MAP3K7CL: variants seen among roughly 807,000 people sequenced by gnomAD.
MAP3K7CL encodes MAP3K7 C-terminal like, also known as MAP3K7 C-terminal-like protein.
MAP3K7CL carries 16 observed loss-of-function variants against 18.6 expected under a neutral mutation model. That is an observed-to-expected ratio of 0.86 (90% CI 0.58 to 1.31). The LOEUF (loss-of-function observed/expected upper bound fraction) is 1.31, where lower values mean the gene tolerates loss of function less well. Among genes scored for constraint, MAP3K7CL ranks in the 50% most tolerant of loss-of-function variants. The pLI, the probability that MAP3K7CL is intolerant of heterozygous loss-of-function variation, is 0.00. For missense variants in MAP3K7CL, 163 were observed against 174.4 expected, an observed-to-expected ratio of 0.93 and a Z score of 0.37; for synonymous variants, 65 against 66.8, an observed-to-expected ratio of 0.97 and a Z score of 0.13.
intron 2 of MAP3K7CL, among the ~76,000 whole-genome samples, chr21:29,141,114 T>C (rs1444028170): frequency 6.6e-6 from 1 of 152,198 alleles, no homozygotes; most frequent in Non-Finnish European, 1.5e-5. Context: ...TTTTGGACAG[T>C]GAGTATGTTA....
At chr21:29,134,905 G>T (rs1362602124) in intron 2 of MAP3K7CL, among the ~76,000 whole-genome samples, 1 of 152,096 alleles carries the variant, frequency 6.6e-6, no homozygotes, top group African/African-American at 2.4e-5. Flanking sequence ...AAAAAAATTA[G>T]CTGGGCCTGG....
At chr21:29,078,126 A>T (rs2085779178) in intron 1 of MAP3K7CL, among the ~76,000 whole-genome samples, 1 of 151,958 alleles carries the variant, frequency 6.6e-6, no homozygotes, top group Non-Finnish European at 1.5e-5. Context: ...CCCAATTCCC[A>T]TTAAATCCTT....
chr21:29,149,127 G>A (rs2087209858), intron 2 of MAP3K7CL, 62 bp from the exon 3 acceptor site: 4 of 1,378,076 alleles, frequency 2.9e-6, no homozygotes, highest in East Asian at 2.3e-5. Context: ...CTCTGGGGGA[G>A]TCCAAGGACT....
chr21:29,158,799 T>C (rs578249062), intron 3 of MAP3K7CL, among the ~76,000 whole-genome samples: 65 of 152,238 alleles, frequency 4.3e-4, no homozygotes, highest in African/African-American at 1.5e-3. Flanking sequence ...AAGGATAAGA[T>C]TGAAGAGCCT....
chr21:29,165,772 A>C (rs1298574306), intron 4 of MAP3K7CL, among the ~76,000 whole-genome samples: 3 of 152,152 alleles, frequency 2.0e-5, no homozygotes, highest in Non-Finnish European at 4.4e-5. Context: ...GGGTTTCACC[A>C]TGTTGGCCAG....
intron 2 of MAP3K7CL, among the ~76,000 whole-genome samples, chr21:29,133,686 G>T (rs2086824008): frequency 6.6e-6 from 1 of 152,066 alleles, no homozygotes; most frequent in Non-Finnish European, 1.5e-5. Context: ...AATTCACTGA[G>T]CTACAACAAT....
chr21:29,164,095 AT>A (rs796331747), intron 4 of MAP3K7CL, among the ~76,000 whole-genome samples: 139 of 147,826 alleles, frequency 9.4e-4, no homozygotes, highest in African/African-American at 3.1e-3. Flanking sequence ...GCGAGACTCC[AT>A]TTAAAAAAAA....
In MAP3K7CL at chr21:29,142,927, C is replaced by T. The variant is rs73897256; in HGVS notation, c.71-6262C>T. The stretch of plus-strand genomic sequence containing the variant: ...TGTCCTACTGAACGTTGTACTGACC[C>T]GCTGTGTTCTTAGTGGTTAGGAGCC... On this transcript the variant is annotated intron_variant, in intron 2 of 4. Transcript: ENST00000399928. Among the ~76,000 whole-genome samples, 255 of 152,270 alleles carry T rather than the reference C, an allele frequency of 1.7e-3. 1 individual carries two copies. Among genetic ancestry groups the T allele is most frequent in the African/African-American group, 5.8e-3 (242 of 41,564 alleles).
At chr21:29,157,758 C>T (rs939786650) in intron 3 of MAP3K7CL, among the ~76,000 whole-genome samples, 1 of 152,186 alleles carries the variant, frequency 6.6e-6, no homozygotes, top group African/African-American at 2.4e-5. Flanking sequence ...GACAACATTT[C>T]CCACTTAGTA....
At chr21:29,133,559 T>C in intron 2 of MAP3K7CL, 145 bp downstream of exon 2, 1 of 530,238 alleles carries the variant, frequency 1.9e-6, no homozygotes. Context: ...TCATGCATTG[T>C]TAGATGGCGG....
intron 4 of MAP3K7CL, among the ~76,000 whole-genome samples, chr21:29,172,585 G>C (rs184714833): frequency 6.6e-6 from 1 of 152,238 alleles, no homozygotes; most frequent in Non-Finnish European, 1.5e-5. Flanking sequence ...CCCAGGTTTA[G>C]CATCCGGTCT....
chr21:29,121,545 T>C (rs1049289053), intron 4 of MAP3K7CL, among the ~76,000 whole-genome samples: 9 of 152,162 alleles, frequency 5.9e-5, no homozygotes, highest in Non-Finnish European at 8.8e-5. Context: ...TTTTTTCTCA[T>C]TCACATGGGA....
intron 4 of MAP3K7CL, among the ~76,000 whole-genome samples, chr21:29,165,771 C>A (rs914360683): frequency 6.6e-6 from 1 of 152,146 alleles, no homozygotes; most frequent in Admixed American, 6.5e-5. Context: ...AGGGTTTCAC[C>A]ATGTTGGCCA....
chr21:29,080,855 A>G (rs2085824028), intron 1 of MAP3K7CL: 1 of 151,776 alleles, frequency 6.6e-6, no homozygotes, highest in Admixed American at 6.6e-5. Flanking sequence ...ATGCTGTATG[A>G]CATAATTCCT....
intron 4 of MAP3K7CL, among the ~76,000 whole-genome samples, chr21:29,105,386 A>G (rs73899336): frequency 0.023 from 3,433 of 152,204 alleles, 129 homozygotes; most frequent in African/African-American, 0.078. Context: ...GAGCCTCTCG[A>G]GCTCTGAGCT....
At chr21:29,099,014 G>T (rs1302459969) in intron 4 of MAP3K7CL, among the ~76,000 whole-genome samples, 1 of 152,094 alleles carries the variant, frequency 6.6e-6, no homozygotes, top group African/African-American at 2.4e-5. Context: ...AACCAAGTTG[G>T]GCTTGCTCTT....
chr21:29,109,790 T>C (rs930478581), intron 4 of MAP3K7CL: 1 of 985,498 alleles, frequency 1.0e-6, no homozygotes, highest in Non-Finnish European at 1.2e-6. Flanking sequence ...CTTTTACTTA[T>C]ATCTTACGTT....
intron 4 of MAP3K7CL, among the ~76,000 whole-genome samples, chr21:29,166,470 A>C (rs1387322265): frequency 6.6e-6 from 1 of 152,206 alleles, no homozygotes; most frequent in African/African-American, 2.4e-5. Flanking sequence ...GGTGGTTTTC[A>C]GTATATTCAC....
Position 29,175,034 on chromosome 21 carries a change from C to T in MAP3K7CL, c.*142C>T. 2.8e-6 allele frequency: 2 copies of T among 716,120 alleles called. No homozygotes were observed. The highest frequency in any genetic ancestry group is 3.5e-5 in the Admixed American group (1 of 28,932). The allele number at this position is 716,120 out of a possible 1,614,324, so 44.4% of individuals were successfully genotyped here. On this transcript the variant is annotated 3_prime_UTR_variant, in exon 5 of 5. Coordinates refer to ENST00000399928, the MANE Select transcript of MAP3K7CL (RefSeq NM_001286620.2). ...ACAACTGTCTATAATGAGTTTACTG[C>T]TTGCCAGCTTCTAGCTTGAGAGAAG...
Sources: gnomAD v4.1 joint callset for allele counts (sites outside exome capture counted in the v4.1 genomes callset) on GRCh38, gnomAD v4.1.1 for gene constraint, MANE v1.5 for transcripts, NCBI Gene and HGNC (gene_info 2026-07-23, HGNC 2026-07-21) for gene names.